The following SLC7A5 variants were observed in gnomAD, a reference collection of about 807,000 sequenced individuals.
The protein encoded by SLC7A5 is large neutral amino acids transporter small subunit 1.
Under a neutral mutation model 50.2 loss-of-function variants are expected in SLC7A5, and 23 were observed. That is an observed-to-expected ratio of 0.46 (90% CI 0.33 to 0.65). SLC7A5 has a LOEUF of 0.65. Ranked by LOEUF, SLC7A5 falls within the 30% of genes least tolerant of loss-of-function variation. SLC7A5 has a pLI of 0.02. For missense variants in SLC7A5, 578 were observed against 684.4 expected, an observed-to-expected ratio of 0.84 and a Z score of 1.73; for synonymous variants, 393 against 330.6, an observed-to-expected ratio of 1.19 and a Z score of -2.05.
intron 8 of SLC7A5, 116 bp downstream of exon 8, chr16:87,836,382 G>T: frequency 1.7e-6 from 2 of 1,189,744 alleles, no homozygotes; most frequent in Non-Finnish European, 2.4e-6. Flanking sequence ...GTGCATGCAG[G>T]CAGGGGCAGG....
chr16:87,869,306 G>C lies in SLC7A5; in HGVS notation c.117C>G (p.Gly39=), dbSNP rs2055502970. ...GCTGCAGGGTCACGCCCTCGCCCTCGCCTGCCGGCGCCGAGCCGTCCGCGC... is the reference window on the plus strand; with the variant it reads ...GCTGCAGGGTCACGCCCTCGCCCTCCCCTGCCGGCGCCGAGCCGTCCGCGC... ...AKSADGSAPA[G]EGEGVTLQRN... Residue 39 remains glycine, a synonymous_variant, in exon 1 of 10, where the codon GGC becomes GGG. Transcript: ENST00000261622. 1 of 1,611,088 alleles carries C rather than the reference G, an allele frequency of 6.2e-7. No homozygotes were observed. Among genetic ancestry groups the C allele is most frequent in the East Asian group, 2.2e-5 (1 of 44,858 alleles).
Position 87,834,605 on chromosome 16 carries a change from C to T in SLC7A5, c.1291-14G>A, listed in dbSNP as rs2054974102. ...GGCCAGGTTCACCTGGGGCAGAGGA[C>T]AGGGCCTGGGTGAGCCCTCTCCTGT... On this transcript the variant is annotated splice_polypyrimidine_tract_variant and intron_variant, in intron 8 of 9. Transcript: ENST00000261622. 6.3e-7 allele frequency: 1 copy of T among 1,576,110 alleles called. No individual in the cohort carries two copies.
intron 2 of SLC7A5, among the ~76,000 whole-genome samples, chr16:87,843,648 A>AGCAT (rs1371053594): frequency 1.3e-5 from 2 of 152,112 alleles, no homozygotes; most frequent in African/African-American, 2.4e-5. Context: ...TGTACCTCTC[A>AGCAT]GCATGACCAG....
chr16:87,865,356 G>T (rs2055447233), intron 1 of SLC7A5, among the ~76,000 whole-genome samples: 1 of 152,212 alleles, frequency 6.6e-6, no homozygotes, highest in Admixed American at 6.5e-5. Context: ...GTCAGAGAGG[G>T]TTGGCACTCT....
Position 87,833,084 on chromosome 16 carries a change from C to A in SLC7A5, c.1469-59G>T. On this transcript the variant is annotated intron_variant, in intron 9 of 9. Transcript: ENST00000261622. The surrounding 1 kb of genome is among the most constrained non-coding windows in gnomAD (Gnocchi z 6.0). Reference sequence around the variant, plus strand: ...GGGCTGGGTAGGCACCCGTGGGACACGGGGGCGTGAGCTGGGGCTCCCCCA... The same window carrying A: ...GGGCTGGGTAGGCACCCGTGGGACAAGGGGGCGTGAGCTGGGGCTCCCCCA... 6.8e-7 allele frequency: 1 copy of A among 1,467,990 alleles called. No homozygotes were observed. Among genetic ancestry groups the A allele is most frequent in the Non-Finnish European group, 9.5e-7 (1 of 1,048,008 alleles). The allele number at this position is 1,467,990 out of a possible 1,614,324, so 90.9% of individuals were successfully genotyped here.
At chr16:87,867,124 T>G (rs1038148375) in intron 1 of SLC7A5, among the ~76,000 whole-genome samples, 1 of 152,212 alleles carries the variant, frequency 6.6e-6, no homozygotes, top group Non-Finnish European at 1.5e-5. Flanking sequence ...TTCACCATGT[T>G]GGTCAGGCTG....
intron 2 of SLC7A5, among the ~76,000 whole-genome samples, chr16:87,846,092 C>T (rs988973311): frequency 2.0e-5 from 3 of 152,336 alleles, no homozygotes; most frequent in South Asian, 2.1e-4. Context: ...CCCTGAGTCG[C>T]GAAGTACCCA....
At chr16:87,854,081 C>T (rs913379092) in intron 1 of SLC7A5, 2 of 143,230 alleles carry the variant, frequency 1.4e-5, no homozygotes, top group East Asian at 2.1e-4. Flanking sequence ...CGCCCCCCCC[C>T]CCACCGCCAG....
chr16:87,838,122 C>A (rs33923153), intron 6 of SLC7A5, among the ~76,000 whole-genome samples, 181 bp from the exon 7 acceptor site: 1 of 152,206 alleles, frequency 6.6e-6, no homozygotes, highest in Non-Finnish European at 1.5e-5. Context: ...CCAACCAACT[C>A]GGCAAGGACA....
intron 1 of SLC7A5, among the ~76,000 whole-genome samples, chr16:87,867,154 G>C (rs535275419): frequency 2.0e-5 from 3 of 151,984 alleles, no homozygotes; most frequent in African/African-American, 7.3e-5. Context: ...TCCTGACCTC[G>C]GTAGATCCGC....
intron 1 of SLC7A5, among the ~76,000 whole-genome samples, chr16:87,866,408 TCTC>T (rs1330750759): frequency 6.6e-6 from 1 of 152,150 alleles, no homozygotes; most frequent in Non-Finnish European, 1.5e-5. Flanking sequence ...TTCAAGCAGT[TCTC>T]CTGCCTCAGC....
chr16:87,850,803 C>A (rs2055212472), intron 2 of SLC7A5, among the ~76,000 whole-genome samples: 1 of 152,200 alleles, frequency 6.6e-6, no homozygotes, highest in East Asian at 1.9e-4. Flanking sequence ...CTTATGAAAC[C>A]CCAGCCCGAC....
In SLC7A5 at chr16:87,831,916, G is replaced by A. The variant is rs565527946; in HGVS notation, c.*1054C>T. 6.5e-6 allele frequency: 1 copy of A among 152,732 alleles called. No homozygotes were observed. The highest frequency in any genetic ancestry group is 2.4e-5 in the African/African-American group (1 of 41,588). The allele number at this position is 152,732 out of a possible 1,614,324, so 9.5% of individuals were successfully genotyped here. A position where few individuals can be genotyped will look rare whatever the true frequency, so the allele number is the denominator to read the frequency against. The stretch of plus-strand genomic sequence containing the variant: ...CTGTCTCCTAGACAACGGGCATCAG[G>A]ACCAGGACAGGACATGAGCGTGACA... On this transcript the variant is annotated 3_prime_UTR_variant, in exon 10 of 10. Coordinates refer to ENST00000261622, the MANE Select transcript of SLC7A5 (RefSeq NM_003486.7).
chr16:87,835,576 C>A (rs868526752), intron 8 of SLC7A5, among the ~76,000 whole-genome samples: 172 of 152,298 alleles, frequency 1.1e-3, no homozygotes, highest in African/African-American at 3.9e-3. Context: ...CAGGTTCATG[C>A]CATTCTCCTG....
chr16:87,835,695 C>T (rs915219124), intron 8 of SLC7A5, among the ~76,000 whole-genome samples: 14 of 152,062 alleles, frequency 9.2e-5, no homozygotes, highest in African/African-American at 2.7e-4. Flanking sequence ...AGGATGGTCT[C>T]TATCTCCTGA....
chr16:87,841,583 T>C lies in SLC7A5; in HGVS notation c.665-428A>G, dbSNP rs1267052110. 6.6e-6 allele frequency among the ~76,000 whole-genome samples: 1 copy of C among 152,220 alleles called. No homozygotes were observed. The highest frequency in any genetic ancestry group is 1.5e-5 in the Non-Finnish European group (1 of 68,022). On this transcript the variant is annotated intron_variant, in intron 2 of 9. Coordinates refer to ENST00000261622, the MANE Select transcript of SLC7A5 (RefSeq NM_003486.7). The surrounding 1 kb of genome is among the most constrained non-coding windows in gnomAD (Gnocchi z 4.8). ...GGCAACAAGGAAGGCCCAGAGCCACTAGGGCCCTGCTTCTTGGGGTGCGAG... is the reference window on the plus strand; with the variant it reads ...GGCAACAAGGAAGGCCCAGAGCCACCAGGGCCCTGCTTCTTGGGGTGCGAG...
At chr16:87,838,898 G>A (rs775230431) in intron 5 of SLC7A5, 81 bp from the exon 6 acceptor site, 92 of 1,027,656 alleles carry the variant, frequency 9.0e-5, no homozygotes, top group Non-Finnish European at 1.3e-4. Flanking sequence ...CCTCTGCACC[G>A]GGCCAGCCCT....
chr16:87,840,950 C>T (rs2055075914), intron 3 of SLC7A5, 100 bp downstream of exon 3: 2 of 788,002 alleles, frequency 2.5e-6, no homozygotes, highest in South Asian at 1.3e-5. Context: ...GCAGTCCACT[C>T]CCTTTAACTG....
At chr16:87,868,864 C>A (rs554760747) in intron 1 of SLC7A5, 21 bp downstream of exon 1, 3 of 1,582,978 alleles carry the variant, frequency 1.9e-6, no homozygotes, top group Non-Finnish European at 2.6e-6. Context: ...TCCCAACCCC[C>A]GGCCCGCGCC....
Sources: allele counts gnomAD v4.1 joint callset (sites outside exome capture counted in the v4.1 genomes callset), GRCh38; gene constraint gnomAD v4.1.1; non-coding constraint Gnocchi (gnomAD v3.1); transcripts MANE v1.5; gene names NCBI Gene and HGNC (gene_info 2026-07-23, HGNC 2026-07-21).